The following CDC5L variants were observed in gnomAD, a reference collection of about 807,000 sequenced individuals.
CDC5L encodes cell division cycle 5 like, also known as cell division cycle 5-like protein.
In CDC5L, 18 loss-of-function variants were observed where a neutral mutation model predicts 104.1. That is an observed-to-expected ratio of 0.17 (90% CI 0.12 to 0.26). The LOEUF (loss-of-function observed/expected upper bound fraction) is 0.26, where lower values mean the gene tolerates loss of function less well. Ranked by LOEUF, CDC5L falls within the 10% of genes least tolerant of loss-of-function variation. The pLI is 1.00. For missense variants in CDC5L, 673 were observed against 956.9 expected, an observed-to-expected ratio of 0.70 and a Z score of 3.91; for synonymous variants, 331 against 322.7, an observed-to-expected ratio of 1.03 and a Z score of -0.28.
At position 44,413,893 on chromosome 6, in the gene CDC5L, G is replaced by T. The variant is rs1581651082; in HGVS notation, c.1092+5261G>T. On this transcript the variant is annotated intron_variant, in intron 8 of 15. Transcript: ENST00000371477. ...AGCCACCGTGCCTAGCACATTGTACGTTTTTATTAGGAATGTGGAAGGGTT... is the reference window on the plus strand; with the variant it reads ...AGCCACCGTGCCTAGCACATTGTACTTTTTTATTAGGAATGTGGAAGGGTT... Among the ~76,000 whole-genome samples, 7 of 152,206 alleles carry T rather than the reference G, an allele frequency of 4.6e-5. No individual in the cohort carries two copies. The East Asian group carries it at 1.4e-3, about 29-fold the overall frequency.
rs1793477664 is a variant in CDC5L at position 44,446,933 on chromosome 6, G to A, written c.*222G>A. The A allele has an allele frequency of 3.1e-6, 1 of 323,594 alleles. No homozygotes were observed. Among genetic ancestry groups the A allele is most frequent in the Non-Finnish European group, 5.6e-6 (1 of 179,284 alleles). The allele number at this position is 323,594 out of a possible 1,614,324, so 20.0% of individuals were successfully genotyped here. A position where few individuals can be genotyped will look rare whatever the true frequency, so the allele number is the denominator to read the frequency against. On this transcript the variant is annotated 3_prime_UTR_variant, in exon 16 of 16. Coordinates refer to ENST00000371477, the MANE Select transcript of CDC5L (RefSeq NM_001253.4). Reference sequence around the variant, plus strand: ...AATTATTAAGGCTATCATTCTTTTAGTAATGTCATATTTGCAAACTTTTTT... The same window carrying A: ...AATTATTAAGGCTATCATTCTTTTAATAATGTCATATTTGCAAACTTTTTT...
chr6:44,430,773 A>G (rs1792648651), intron 14 of CDC5L, among the ~76,000 whole-genome samples: 1 of 151,998 alleles, frequency 6.6e-6, no homozygotes, highest in African/African-American at 2.4e-5. Context: ...GAGTTTCACC[A>G]TGTTGGCCAG....
rs746457538 is a variant in CDC5L, at chr6:44,446,680, T to C, written c.2378T>C (p.Leu793Pro). 1 of 1,586,728 alleles carries C rather than the reference T, an allele frequency of 6.3e-7. No individual in the cohort carries two copies. The highest frequency in any genetic ancestry group is 1.8e-5 in the Admixed American group (1 of 56,886). The change falls in exon 16 of 16, where the codon CTG (leucine) becomes CCG (proline). Residue 793 changes from leucine to proline, a missense_variant. Leu to Pro is a moderately conservative substitution (Grantham distance 98, BLOSUM62 -3). Transcript: ENST00000371477. ...CAACATAGATATGCTGATTTGCTGC[T>C]GGAGAAAGAGACTTTAAAGTCAAAA... The part of the protein sequence containing the change: ...ELQHRYADLL[L>P]EKETLKSKF
At chr6:44,446,315 C>A (rs1793451438) in intron 15 of CDC5L, among the ~76,000 whole-genome samples, 1 of 152,166 alleles carries the variant, frequency 6.6e-6, no homozygotes, top group South Asian at 2.1e-4. Flanking sequence ...CATAATAGCT[C>A]CTGTCCAGCT....
Position 44,419,504 on chromosome 6 carries a change from T to C in CDC5L, c.1148T>C (p.Leu383Pro), listed in dbSNP as rs906217681. The C allele has an allele frequency of 6.2e-7, 1 of 1,614,048 alleles. No individual in the cohort carries two copies. Among genetic ancestry groups the C allele is most frequent in the Non-Finnish European group, 8.5e-7 (1 of 1,179,872 alleles). ...GTGGACACCCCATTGAAAGGTGGAC[T>C]TAATACCCCATTGCATGAGAGTGAC... Reference protein sequence around the residue: ...TNVDTPLKGGLNTPLHESDFS... With the variant: ...TNVDTPLKGGPNTPLHESDFS... Residue 383 changes from leucine to proline, a missense_variant, in exon 9 of 16, where the codon CTT becomes CCT. Transcript: ENST00000371477.
At chr6:44,396,911 T>C (rs1790895311) in intron 5 of CDC5L, among the ~76,000 whole-genome samples, 1 of 152,202 alleles carries the variant, frequency 6.6e-6, no homozygotes. Flanking sequence ...TTATGTCCCA[T>C]TGAAGTTGGG....
chr6:44,439,792 C>T (rs1226076575), intron 14 of CDC5L, among the ~76,000 whole-genome samples: 1 of 152,146 alleles, frequency 6.6e-6, no homozygotes, highest in African/African-American at 2.4e-5. Context: ...TGTCTATGAT[C>T]TTATTTAAGC....
At chr6:44,413,758 A>AT (rs1236835142) in intron 8 of CDC5L, among the ~76,000 whole-genome samples, 2 of 151,702 alleles carry the variant, frequency 1.3e-5, no homozygotes, top group Non-Finnish European at 2.9e-5. Flanking sequence ...TAATTTTCTA[A>AT]TTTTTTGTAG....
At chr6:44,404,980 C>T (rs1791301081) in intron 6 of CDC5L, among the ~76,000 whole-genome samples, 1 of 152,222 alleles carries the variant, frequency 6.6e-6, no homozygotes, top group African/African-American at 2.4e-5. Flanking sequence ...AGGCATGAGT[C>T]ACCACTCCTG....
chr6:44,438,160 T>C (rs1793021214), intron 14 of CDC5L, among the ~76,000 whole-genome samples: 1 of 152,112 alleles, frequency 6.6e-6, no homozygotes, highest in Admixed American at 6.5e-5. Flanking sequence ...ATTGTCCAGG[T>C]TGGTCTCGAA....
chr6:44,398,787 A>G (rs991686569), intron 5 of CDC5L, among the ~76,000 whole-genome samples: 2 of 152,222 alleles, frequency 1.3e-5, no homozygotes, highest in African/African-American at 4.8e-5. Flanking sequence ...TAAAATTTGA[A>G]ATACATTTTT....
intron 2 of CDC5L, among the ~76,000 whole-genome samples, chr6:44,391,126 AAT>A (rs199952018): frequency 0.011 from 1,555 of 138,112 alleles, no homozygotes; most frequent in Admixed American, 0.052. Flanking sequence ...AAACATATTT[AAT>A]ATGTTATATA....
At chr6:44,402,741 A>G (rs975529068) in intron 5 of CDC5L, among the ~76,000 whole-genome samples, 1 of 152,230 alleles carries the variant, frequency 6.6e-6, no homozygotes, top group African/African-American at 2.4e-5. Flanking sequence ...ATTGATAGAT[A>G]TGCATACAGT....
intron 14 of CDC5L, among the ~76,000 whole-genome samples, chr6:44,442,460 TTGTC>T (rs1038613508): frequency 7.1e-4 from 106 of 150,206 alleles, no homozygotes; most frequent in African/African-American, 2.2e-3. Flanking sequence ...TTTTTATCTC[TTGTC>T]TGTCTGTTAC....
intron 9 of CDC5L, among the ~76,000 whole-genome samples, chr6:44,421,335 G>A (rs947998555): frequency 2.6e-5 from 4 of 152,204 alleles, no homozygotes; most frequent in African/African-American, 9.7e-5. Context: ...AAATACAAAT[G>A]TTATGGAAGC....
At chr6:44,438,859 T>C (rs996222305) in intron 14 of CDC5L, among the ~76,000 whole-genome samples, 9 of 152,118 alleles carry the variant, frequency 5.9e-5, no homozygotes, top group Non-Finnish European at 8.8e-5. Context: ...TTTTATAATA[T>C]CCTTACTGAG....
intron 15 of CDC5L, among the ~76,000 whole-genome samples, chr6:44,446,136 T>G (rs1209430126): frequency 6.6e-6 from 1 of 152,244 alleles, no homozygotes; most frequent in Non-Finnish European, 1.5e-5. Context: ...TTAGCCCTTG[T>G]GATTTGTCCC....
At chr6:44,418,537 G>A (rs1792005347) in intron 8 of CDC5L, among the ~76,000 whole-genome samples, 1 of 152,138 alleles carries the variant, frequency 6.6e-6, no homozygotes. Context: ...GGGTCAAATG[G>A]TATTTCTAGT....
At chr6:44,390,999 TA>T (rs1790576079) in intron 2 of CDC5L, among the ~76,000 whole-genome samples, 1 of 124,750 alleles carries the variant, frequency 8.0e-6, no homozygotes, top group Non-Finnish European at 1.7e-5. Context: ...TAAACATATT[TA>T]ATATGTTATA....
Sources: gnomAD v4.1 joint callset for allele counts (sites outside exome capture counted in the v4.1 genomes callset) on GRCh38, gnomAD v4.1.1 for gene constraint, MANE v1.5 for transcripts, NCBI Gene and HGNC (gene_info 2026-07-23, HGNC 2026-07-21) for gene names.